Variants in IDE observed in about 807,000 individuals in gnomAD.
The protein encoded by IDE is insulin degrading enzyme.
In IDE, 58 loss-of-function variants were observed where a neutral mutation model predicts 133.2. That is an observed-to-expected ratio of 0.44 (90% confidence interval 0.35 to 0.54). The LOEUF (loss-of-function observed/expected upper bound fraction) is 0.54, where lower values mean the gene tolerates loss of function less well. Ranked by LOEUF, IDE falls within the 20% of genes least tolerant of loss-of-function variation. The pLI is 0.00. For synonymous variants in IDE, 396 were observed against 421.3 expected, an observed-to-expected ratio of 0.94 and a Z score of 0.73; for missense variants, 981 against 1,234.0, an observed-to-expected ratio of 0.79 and a Z score of 3.07.
At chr10:92,513,616 G>T (rs1848742346) in intron 5 of IDE, among the ~76,000 whole-genome samples, 1 of 150,132 alleles carries the variant, frequency 6.7e-6, no homozygotes, top group African/African-American at 2.4e-5. Context: ...AATATATTAA[G>T]AACATTTTAA....
chr10:92,452,596 G>T lies in IDE; in HGVS notation c.*1848C>A, dbSNP rs1235081386. On this transcript the variant is annotated 3_prime_UTR_variant, in exon 25 of 25. Coordinates refer to ENST00000265986, the MANE Select transcript of IDE (RefSeq NM_004969.4). ...GGAAGACTACATGAGATTGCTCTCA[G>T]ATCTCTTCATGTGTCATTCTCATAA... 6.6e-6 allele frequency: 1 copy of T among 152,204 alleles called. No homozygotes were observed. Among genetic ancestry groups the T allele is most frequent in the Non-Finnish European group, 1.5e-5 (1 of 68,040 alleles). 9.4% of individuals were successfully genotyped at this position (152,204 alleles called of 1,614,324 possible). A position where few individuals can be genotyped will look rare whatever the true frequency, so the allele number is the denominator to read the frequency against.
chr10:92,565,433 A>G (rs1306072935), intron 1 of IDE, among the ~76,000 whole-genome samples: 1 of 151,416 alleles, frequency 6.6e-6, no homozygotes, highest in Non-Finnish European at 1.5e-5. Flanking sequence ...AAAGAAAAGA[A>G]AGAAAGAAAT....
intron 1 of IDE, among the ~76,000 whole-genome samples, chr10:92,543,636 C>G (rs1842409931): frequency 6.6e-6 from 1 of 152,252 alleles, no homozygotes; most frequent in Middle Eastern, 3.4e-3. Context: ...CAAATAAACC[C>G]TTAAATGAAG....
intron 17 of IDE, among the ~76,000 whole-genome samples, chr10:92,472,220 CCT>C (rs1156554249): frequency 2.0e-5 from 3 of 152,086 alleles, no homozygotes; most frequent in African/African-American, 7.2e-5. Context: ...CCTTCATATC[CCT>C]CTGAGATACT....
chr10:92,455,951 T>C (rs1486991846), intron 23 of IDE, among the ~76,000 whole-genome samples: 2 of 152,306 alleles, frequency 1.3e-5, no homozygotes, highest in African/African-American at 4.8e-5. Flanking sequence ...GTTTCTAAAC[T>C]GTTAGTAAAC....
chr10:92,518,787 G>A lies in IDE; in HGVS notation c.662-3745C>T, dbSNP rs915142656. Among the ~76,000 whole-genome samples the A allele has an allele frequency of 4.6e-5, 7 of 151,956 alleles. No individual in the cohort carries two copies. In the South Asian group the frequency reaches 8.3e-4, roughly 18 times the overall value. The stretch of plus-strand genomic sequence containing the variant: ...AAATGTTGAATGAAAAAATACAAGC[G>A]GCAGAGATTACACACAATAAAATAC... On this transcript the variant is annotated intron_variant, in intron 4 of 24. Transcript: ENST00000265986.
intron 21 of IDE, among the ~76,000 whole-genome samples, chr10:92,462,614 A>G (rs1449844522): frequency 6.6e-6 from 1 of 152,196 alleles, no homozygotes; most frequent in Non-Finnish European, 1.5e-5. Context: ...TCTTAAAAAA[A>G]AAATAATAAG....
chr10:92,456,794 G>A (rs1467117208), intron 22 of IDE, among the ~76,000 whole-genome samples: 2 of 129,590 alleles, frequency 1.5e-5, no homozygotes, highest in Middle Eastern at 5.4e-3. Context: ...GCCATGAGCC[G>A]AGATCACGCC....
chr10:92,526,845 CAA>C (rs1165598095), intron 4 of IDE, among the ~76,000 whole-genome samples: 12 of 54,264 alleles, frequency 2.2e-4, no homozygotes, highest in Admixed American at 1.8e-4. Flanking sequence ...GGCCCTGTCT[CAA>C]AAAAAAAAAA....
chr10:92,556,164 A>G (rs1406912126), intron 1 of IDE, among the ~76,000 whole-genome samples: 1 of 119,614 alleles, frequency 8.4e-6, no homozygotes, highest in African/African-American at 3.3e-5. Context: ...TGGGTGACAG[A>G]GCGAGACTCC....
intron 1 of IDE, among the ~76,000 whole-genome samples, chr10:92,548,927 G>C (rs1018847106): frequency 1.3e-5 from 2 of 152,088 alleles, no homozygotes; most frequent in African/African-American, 4.8e-5. Flanking sequence ...GTGAGTAGAG[G>C]CCAGGGATGC....
intron 1 of IDE, among the ~76,000 whole-genome samples, chr10:92,567,885 C>G (rs1161431641): frequency 6.6e-6 from 1 of 152,196 alleles, no homozygotes; most frequent in East Asian, 1.9e-4. Flanking sequence ...GTGAGAGGAT[C>G]ACTTGAGCCC....
intron 1 of IDE, among the ~76,000 whole-genome samples, chr10:92,563,742 A>G (rs1180274619): frequency 1.3e-5 from 2 of 151,976 alleles, no homozygotes; most frequent in Admixed American, 1.3e-4. Context: ...CAGCTGAGCA[A>G]GACTCCGTCT....
chr10:92,470,468 G>C, intron 17 of IDE, 123 bp from the exon 18 acceptor site: 1 of 481,126 alleles, frequency 2.1e-6, no homozygotes, highest in Non-Finnish European at 3.7e-6. Flanking sequence ...ACTTCACCTA[G>C]TTTTCCCTAA....
intron 2 of IDE, among the ~76,000 whole-genome samples, chr10:92,536,676 C>A (rs557923164): frequency 7.3e-6 from 1 of 136,932 alleles, no homozygotes; most frequent in African/African-American, 2.8e-5. Flanking sequence ...CCAGCCTGGG[C>A]AACAAGAGCA....
chr10:92,540,422 T>C (rs1392996501), intron 1 of IDE, among the ~76,000 whole-genome samples: 1 of 152,162 alleles, frequency 6.6e-6, no homozygotes, highest in Admixed American at 6.5e-5. Flanking sequence ...TAACACTAAA[T>C]AAGCCACAAG....
chr10:92,508,575 A>AG (rs1564633375), intron 7 of IDE, among the ~76,000 whole-genome samples, 153 bp downstream of exon 7: 1 of 150,884 alleles, frequency 6.6e-6, no homozygotes, highest in Non-Finnish European at 1.5e-5. Context: ...AAAAAAAAAA[A>AG]GGCAACAGCG....
rs1426608185 is a variant in IDE, at chr10:92,504,855, C to T, written c.1369G>A (p.Glu457Lys). 3 of 1,587,394 alleles carry T rather than the reference C, an allele frequency of 1.9e-6. No individual in the cohort carries two copies. Among genetic ancestry groups the T allele is most frequent in the East Asian group, 4.5e-5 (2 of 44,156 alleles). ...EEVLTAEYLL[E>K]EFRPDLIEMV... is the part of the protein sequence containing the mutation. ...TCTATTAAGTCAGGTCTAAATTCTT[C>T]CAGTAAATATTCCGCTGTGAGCACC... The change falls in exon 11 of 25, where the codon GAA becomes AAA. Residue 457 changes from glutamate to lysine, a missense_variant. By Grantham distance (56) the Glu-to-Lys change is moderately conservative. This residue lies in a region of IDE where 660 missense variants were observed against 894.7 expected (regional missense o/e 0.74). Coordinates refer to ENST00000265986, the MANE Select transcript of IDE (RefSeq NM_004969.4).
intron 1 of IDE, chr10:92,558,986 C>G (rs1454737818): frequency 1.3e-5 from 2 of 150,302 alleles, no homozygotes; most frequent in Non-Finnish European, 1.5e-5. Flanking sequence ...AGACATTTCT[C>G]TAAAGAAGAT....
Sources: gnomAD v4.1 joint callset for allele counts (sites outside exome capture counted in the v4.1 genomes callset) on GRCh38, gnomAD v4.1.1 for gene constraint, gnomAD v4.1.1 regional missense constraint, MANE v1.5 for transcripts, NCBI Gene and HGNC (gene_info 2026-07-23, HGNC 2026-07-21) for gene names.